The following CAPSL variants were observed in gnomAD, a reference collection of about 807,000 sequenced individuals.
CAPSL encodes calcyphosine like.
Under a neutral mutation model 21.3 loss-of-function variants are expected in CAPSL, and 17 were observed. That is an observed-to-expected ratio of 0.80 (90% CI 0.55 to 1.20). The LOEUF (loss-of-function observed/expected upper bound fraction) is 1.20. Ranked by LOEUF, CAPSL falls within the 50% of genes most tolerant of loss-of-function variation. CAPSL has a pLI of 0.00. For missense variants in CAPSL, 289 were observed against 259.3 expected (o/e 1.11, Z -0.79); for synonymous variants, 102 against 89.3 (o/e 1.14, Z -0.80).
intron 4 of CAPSL, among the ~76,000 whole-genome samples, chr5:35,906,017 G>T: frequency 6.6e-6 from 1 of 152,170 alleles, no homozygotes. Context: ...TCCTCAAAAA[G>T]TTGCAGGCTG....
intron 2 of CAPSL, among the ~76,000 whole-genome samples, chr5:35,914,407 T>A (rs1738315331): frequency 6.6e-6 from 1 of 152,296 alleles, no homozygotes; most frequent in Admixed American, 6.5e-5. Context: ...AGAATATACA[T>A]TCTTTTCAGC....
chr5:35,929,246 A>G (rs1738759490), intron 1 of CAPSL, among the ~76,000 whole-genome samples: 1 of 150,842 alleles, frequency 6.6e-6, no homozygotes, highest in Non-Finnish European at 1.5e-5. Context: ...ATGCGCTACC[A>G]GGGAGTAGCA....
chr5:35,905,501 T>C (rs1760654624), intron 4 of CAPSL, among the ~76,000 whole-genome samples: 1 of 152,208 alleles, frequency 6.6e-6, no homozygotes, highest in African/African-American at 2.4e-5. Context: ...TTGTCTTTCA[T>C]ACCACCCCTT....
chr5:35,936,984 C>A (rs1738964662), intron 1 of CAPSL, among the ~76,000 whole-genome samples: 1 of 152,220 alleles, frequency 6.6e-6, no homozygotes, highest in African/African-American at 2.4e-5. Flanking sequence ...TTACCTGGGT[C>A]ATTAACTGAC....
intron 1 of CAPSL, among the ~76,000 whole-genome samples, chr5:35,921,633 C>G (rs1242803155): frequency 6.6e-6 from 1 of 152,154 alleles, no homozygotes; most frequent in Non-Finnish European, 1.5e-5. Flanking sequence ...TATCCACTAA[C>G]ACCTAATGAG....
intron 2 of CAPSL, among the ~76,000 whole-genome samples, chr5:35,916,755 A>G (rs1738398155): frequency 6.6e-6 from 1 of 152,232 alleles, no homozygotes. Flanking sequence ...CTAAAACCAT[A>G]AAAACCGTAG....
At chr5:35,928,384 C>A (rs1229492920) in intron 1 of CAPSL, among the ~76,000 whole-genome samples, 2 of 152,144 alleles carry the variant, frequency 1.3e-5, no homozygotes, top group Non-Finnish European at 2.9e-5. Flanking sequence ...GTGATGTCCT[C>A]CCGAAGAGAC....
intron 2 of CAPSL, among the ~76,000 whole-genome samples, chr5:35,915,446 A>G (rs977234271): frequency 2.0e-5 from 3 of 152,220 alleles, no homozygotes; most frequent in Admixed American, 2.0e-4. Context: ...GTGAACATCA[A>G]TGCAAAAATC....
intron 4 of CAPSL, among the ~76,000 whole-genome samples, chr5:35,906,358 C>G (rs1760679988): frequency 6.6e-6 from 1 of 152,106 alleles, no homozygotes; most frequent in South Asian, 2.1e-4. Flanking sequence ...TCCTCTGCAG[C>G]TTCAGCTTGG....
At chr5:35,909,231 T>C (rs554465748) in intron 4 of CAPSL, among the ~76,000 whole-genome samples, 27 of 152,286 alleles carry the variant, frequency 1.8e-4, no homozygotes, top group East Asian at 5.8e-4. Context: ...TAAAAGTTAA[T>C]GGAGATGGGC....
chr5:35,904,687 C>G (rs1376073766), intron 4 of CAPSL, 41 bp from the exon 5 acceptor site: 1 of 1,609,332 alleles, frequency 6.2e-7, no homozygotes, highest in East Asian at 2.2e-5. Context: ...AACTTTGCTT[C>G]TCACTCTGTC....
At chr5:35,918,316 G>T (rs1738445174) in intron 2 of CAPSL, among the ~76,000 whole-genome samples, 1 of 152,176 alleles carries the variant, frequency 6.6e-6, no homozygotes. Context: ...CAGGGATATG[G>T]GTGAAGCTGG....
At chr5:35,917,416 C>T (rs181730656) in intron 2 of CAPSL, among the ~76,000 whole-genome samples, 103 of 152,272 alleles carry the variant, frequency 6.8e-4, no homozygotes, top group Middle Eastern at 3.4e-3. Flanking sequence ...CACATACACA[C>T]GTATGTTTAT....
chr5:35,921,117 C>A lies in CAPSL; in HGVS notation c.4G>T (p.Ala2Ser), dbSNP rs1479892478. The A allele has an allele frequency of 6.2e-7, 1 of 1,613,700 alleles. No individual in the cohort carries two copies. The highest frequency in any genetic ancestry group is 1.1e-5 in the South Asian group (1 of 91,048). The change falls in exon 2 of 5, where the codon GCA becomes TCA. Residue 2 changes from alanine (A) to serine (S), a missense_variant. Ala to Ser is a moderately conservative substitution (Grantham distance 99). Transcript: ENST00000651391. ...TCTCGGTCATGGCGCGCTGTCCCTG[C>A]CATCTGAGGGGAAGCCATAGCATGT... Reference protein sequence around the residue: MAGTARHDREMA... With the variant: MSGTARHDREMA...
chr5:35,906,938 T>A (rs917078396), intron 4 of CAPSL, among the ~76,000 whole-genome samples: 4 of 152,222 alleles, frequency 2.6e-5, no homozygotes, highest in African/African-American at 9.6e-5. Flanking sequence ...CATCAGTTAC[T>A]CTTAGCTAGG....
intron 2 of CAPSL, among the ~76,000 whole-genome samples, chr5:35,911,217 G>A (rs1286786605): frequency 1.3e-5 from 2 of 152,120 alleles, no homozygotes; most frequent in East Asian, 3.8e-4. Context: ...TCTCAAGGAG[G>A]GAACATATAC....
chr5:35,920,947 C>T, intron 2 of CAPSL, 37 bp downstream of exon 2: 3 of 1,606,724 alleles, frequency 1.9e-6, no homozygotes, highest in Non-Finnish European at 2.5e-6. Context: ...GTCATTCCTT[C>T]CCGCTCCATT....
chr5:35,908,648 C>G (rs1738100380), intron 4 of CAPSL, among the ~76,000 whole-genome samples: 1 of 152,160 alleles, frequency 6.6e-6, no homozygotes, highest in Non-Finnish European at 1.5e-5. Flanking sequence ...TCAAGGCCAG[C>G]AATACTGGAA....
At position 35,909,898 on chromosome 5, in the gene CAPSL, T is replaced by C; in HGVS notation, c.493A>G (p.Asn165Asp). Reference protein sequence around the residue: ...EEQVFRKFLDNFDSPYDKDGL... With the variant: ...EEQVFRKFLDDFDSPYDKDGL... The stretch of plus-strand genomic sequence containing the variant: ...TCTTTGTCATAGGGTGAATCAAAGT[T>C]ATCCAGAAATTTCCTAAATACTTGT... The change falls in exon 4 of 5, where the codon AAC becomes GAC. Residue 165 changes from asparagine to aspartate, a missense_variant. Transcript: ENST00000651391. 6.2e-7 allele frequency: 1 copy of C among 1,613,516 alleles called. No individual in the cohort carries two copies. Among genetic ancestry groups the C allele is most frequent in the South Asian group, 1.1e-5 (1 of 90,756 alleles).
Sources: allele counts gnomAD v4.1 joint callset (sites outside exome capture counted in the v4.1 genomes callset), GRCh38; gene constraint gnomAD v4.1.1; transcripts MANE v1.5; gene names NCBI Gene and HGNC (gene_info 2026-07-23, HGNC 2026-07-21).